The following RTKN2 variants were observed in gnomAD, a reference collection of about 807,000 sequenced individuals.
RTKN2 encodes the protein rhotekin 2.
In RTKN2, 69 loss-of-function variants were observed where a neutral mutation model predicts 71.5. The ratio of observed to expected loss-of-function variants is 0.96; its 90% CI spans 0.79 to 1.18. The LOEUF (loss-of-function observed/expected upper bound fraction) is 1.18. RTKN2 is among the 50% of genes most tolerant of loss of function. RTKN2 has a pLI of 0.00. For synonymous variants in RTKN2, 236 were observed against 236.5 expected (o/e 1.00, Z 0.02); for missense variants, 724 against 719.7 (o/e 1.01, Z -0.07).
intron 2 of RTKN2, among the ~76,000 whole-genome samples, chr10:62,262,316 AT>A (rs1353541474): frequency 2.0e-5 from 3 of 152,174 alleles, no homozygotes; most frequent in African/African-American, 7.2e-5. Flanking sequence ...TTTCTAAGCA[AT>A]TAATTTTCTT....
At chr10:62,235,336 A>C (rs1020896377) in intron 6 of RTKN2, among the ~76,000 whole-genome samples, 3 of 152,148 alleles carry the variant, frequency 2.0e-5, no homozygotes, top group Admixed American at 6.5e-5. Flanking sequence ...TGTTAAAAAG[A>C]GATAAAATAT....
intron 1 of RTKN2, among the ~76,000 whole-genome samples, chr10:62,263,265 A>G (rs1842808810): frequency 6.6e-6 from 1 of 152,158 alleles, no homozygotes; most frequent in Admixed American, 6.5e-5. Flanking sequence ...ACAGTCACAT[A>G]CAGAGAGAAT....
At chr10:62,217,355 A>G in intron 8 of RTKN2, 106 bp from the exon 9 acceptor site, 1 of 793,230 alleles carries the variant, frequency 1.3e-6, no homozygotes, top group Non-Finnish European at 1.8e-6. Context: ...TAGAATTTTT[A>G]AAATGTGATG....
At position 62,196,023 on chromosome 10, in the gene RTKN2, T is replaced by C. The variant is rs149775263; in HGVS notation, c.*1885A>G. 142 of 984,846 alleles carry C rather than the reference T, an allele frequency of 1.4e-4. No individual in the cohort carries two copies. In the African/African-American group the frequency reaches 2.4e-3, roughly 16 times the overall value. The allele number at this position is 984,846 out of a possible 1,614,324, so 61.0% of individuals were successfully genotyped here. A position where few individuals can be genotyped will look rare whatever the true frequency, so the allele number is the denominator to read the frequency against. ...ATCTGGAAGTTTTAATACTGATTTGTAATAAAGGAAGGCATCAACTAGGAA... is the reference window on the plus strand; with the variant it reads ...ATCTGGAAGTTTTAATACTGATTTGCAATAAAGGAAGGCATCAACTAGGAA... On this transcript the variant is annotated 3_prime_UTR_variant, in exon 12 of 12. Transcript: ENST00000373789.
At position 62,262,745 on chromosome 10, in the gene RTKN2, G is replaced by C; in HGVS notation, c.137C>G (p.Thr46Ser). Reference sequence around the variant, plus strand: ...TGCATGTAAAACTTGATCTTTCTGAGTGCTCAGAGAAAGGAGTTTCCATAT... The same window carrying C: ...TGCATGTAAAACTTGATCTTTCTGACTGCTCAGAGAAAGGAGTTTCCATAT... ...EGIWKLLSLSTQKDQVLHAVK... is the reference protein window; with the variant it reads ...EGIWKLLSLSSQKDQVLHAVK... Residue 46 changes from threonine (T) to serine (S), a missense_variant, in exon 2 of 12, where the codon ACT (threonine) becomes AGT (serine). By Grantham distance (58) the Thr-to-Ser change is moderately conservative. Transcript: ENST00000373789. 1.2e-6 allele frequency: 2 copies of C among 1,613,446 alleles called. No homozygotes were observed. The highest frequency in any genetic ancestry group is 2.2e-5 in the South Asian group (2 of 91,054).
At chr10:62,247,565 T>C (rs976493800) in intron 2 of RTKN2, among the ~76,000 whole-genome samples, 1 of 151,982 alleles carries the variant, frequency 6.6e-6, no homozygotes, top group African/African-American at 2.4e-5. Flanking sequence ...TAAAGTTTCA[T>C]TGAATCATAA....
Position 62,218,232 on chromosome 10 carries a change from A to T in RTKN2, c.851T>A (p.Met284Lys), listed in dbSNP as rs1841820146. 1 of 1,613,684 alleles carries T rather than the reference A, an allele frequency of 6.2e-7. No individual in the cohort carries two copies. Among genetic ancestry groups the T allele is most frequent in the East Asian group, 2.2e-5 (1 of 44,862 alleles). The change falls in exon 8 of 12, where the codon ATG becomes AAG. Residue 284 changes from methionine (M) to lysine (K), a missense_variant. Physicochemically the swap from Met to Lys is moderately conservative, Grantham distance 95 (BLOSUM62 -1). Transcript: ENST00000373789. ...AAATCCTGCAAATGCATCCTCAGCC[A>T]TACAAGCTGGCTGGGCAACTAGTCG... Reference protein sequence around the residue: ...CCRLVAQPACMAEDAFAGFLN... With the variant: ...CCRLVAQPACKAEDAFAGFLN...
chr10:62,242,281 T>G (rs1433998293), intron 3 of RTKN2, among the ~76,000 whole-genome samples: 1 of 152,188 alleles, frequency 6.6e-6, no homozygotes, highest in Non-Finnish European at 1.5e-5. Context: ...TTTGTCAAAA[T>G]TTCCCTTTCC....
At chr10:62,243,295 AACAG>A (rs1200261014) in intron 3 of RTKN2, among the ~76,000 whole-genome samples, 1 of 152,044 alleles carries the variant, frequency 6.6e-6, no homozygotes, top group Non-Finnish European at 1.5e-5. Context: ...ATATTGGCAT[AACAG>A]ACATTGTAAT....
At position 62,196,003 on chromosome 10, in the gene RTKN2, G is replaced by T; in HGVS notation, c.*1905C>A. ...GGAAAAATGACAAGAATATAATCTG[G>T]AAGTTTTAATACTGATTTGTAATAA... is the stretch of plus-strand genomic sequence containing the variant. On this transcript the variant is annotated 3_prime_UTR_variant, in exon 12 of 12. Transcript: ENST00000373789. 7 of 984,628 alleles carry T rather than the reference G, an allele frequency of 7.1e-6. No individual in the cohort carries two copies. The highest frequency in any genetic ancestry group is 8.4e-6 in the Non-Finnish European group (7 of 829,420). 61.0% of individuals were successfully genotyped at this position (984,628 alleles called of 1,614,324 possible).
chr10:62,261,907 T>C (rs900672676), intron 2 of RTKN2, among the ~76,000 whole-genome samples: 3 of 152,206 alleles, frequency 2.0e-5, no homozygotes, highest in Non-Finnish European at 4.4e-5. Context: ...AATGTAAGAC[T>C]GTTTTTATTT....
At chr10:62,250,784 CATGCCCAGCTA>C (rs1258343432) in intron 2 of RTKN2, among the ~76,000 whole-genome samples, 1 of 152,146 alleles carries the variant, frequency 6.6e-6, no homozygotes, top group Non-Finnish European at 1.5e-5. Context: ...CACATGCCAC[CATGCCCAGCTA>C]ATGTTTATGT....
intron 7 of RTKN2, among the ~76,000 whole-genome samples, chr10:62,222,922 G>T (rs1165119962): frequency 6.6e-6 from 1 of 152,152 alleles, no homozygotes; most frequent in African/African-American, 2.4e-5. Context: ...TGGCTTCCTT[G>T]ATTTCAAATT....
At chr10:62,258,235 T>C (rs1372309393) in intron 2 of RTKN2, among the ~76,000 whole-genome samples, 1 of 152,232 alleles carries the variant, frequency 6.6e-6, no homozygotes, top group Non-Finnish European at 1.5e-5. Context: ...GTTAAGTCAA[T>C]GCATACAATG....
chr10:62,240,469 T>C (rs977212594), intron 4 of RTKN2, among the ~76,000 whole-genome samples: 4 of 152,180 alleles, frequency 2.6e-5, no homozygotes, highest in African/African-American at 7.2e-5. Context: ...GTAAATTATA[T>C]TTCCTAATTG....
chr10:62,229,173 G>C (rs916558568), intron 6 of RTKN2, among the ~76,000 whole-genome samples: 1 of 152,208 alleles, frequency 6.6e-6, no homozygotes, highest in Non-Finnish European at 1.5e-5. Flanking sequence ...GACAAAAGAA[G>C]AGAGATGCTA....
chr10:62,239,594 A>T (rs754058192), intron 5 of RTKN2, 54 bp downstream of exon 5: 1 of 834,462 alleles, frequency 1.2e-6, no homozygotes, highest in South Asian at 1.9e-5. Flanking sequence ...ACTTTCTTTT[A>T]AAAAAGAAGA....
intron 6 of RTKN2, among the ~76,000 whole-genome samples, chr10:62,227,571 T>C (rs781528582): frequency 5.9e-5 from 9 of 152,116 alleles, no homozygotes; most frequent in Non-Finnish European, 1.3e-4. Flanking sequence ...AGACAGACAA[T>C]ACCACAGTCC....
In RTKN2 at chr10:62,196,834, G is replaced by T. The variant is rs947364217; in HGVS notation, c.*1074C>A. 1 of 977,614 alleles carries T rather than the reference G, an allele frequency of 1.0e-6. No individual in the cohort carries two copies. Among genetic ancestry groups the T allele is most frequent in the African/African-American group, 1.8e-5 (1 of 56,942 alleles). The allele number at this position is 977,614 out of a possible 1,614,324, so 60.6% of individuals were successfully genotyped here. ...AAAAATGGATTTTTTGTTCCTTTAAGGTATTTTTCTGCTATTTATTCCTCA... is the reference window on the plus strand; with the variant it reads ...AAAAATGGATTTTTTGTTCCTTTAATGTATTTTTCTGCTATTTATTCCTCA... On this transcript the variant is annotated 3_prime_UTR_variant, in exon 12 of 12. Transcript: ENST00000373789.
Sources: gnomAD v4.1 joint callset for allele counts (sites outside exome capture counted in the v4.1 genomes callset) on GRCh38, gnomAD v4.1.1 for gene constraint, MANE v1.5 for transcripts, NCBI Gene and HGNC (gene_info 2026-07-23, HGNC 2026-07-21) for gene names.